The following ANKS1B variants were observed in gnomAD, a reference collection of about 807,000 sequenced individuals.
ANKS1B encodes the protein ankyrin repeat and sterile alpha motif domain-containing protein 1B.
ANKS1B carries 36 observed loss-of-function variants against 148.3 expected under a neutral mutation model. The ratio of observed to expected loss-of-function variants is 0.24; its 90% confidence interval spans 0.19 to 0.32. The LOEUF (loss-of-function observed/expected upper bound fraction) is 0.32. ANKS1B is among the 10% of genes least tolerant of loss of function. The pLI is 1.00. For synonymous variants in ANKS1B, 542 were observed against 560.8 expected, an observed-to-expected ratio of 0.97 and a Z score of 0.47; for missense variants, 1,157 against 1,542.6, an observed-to-expected ratio of 0.75 and a Z score of 4.19.
chr12:99,864,668 T>A (rs964979202), intron 1 of ANKS1B, among the ~76,000 whole-genome samples: 1 of 152,312 alleles, frequency 6.6e-6, no homozygotes, highest in Admixed American at 6.5e-5. Flanking sequence ...GCTGTCTGAT[T>A]TGGGGCAAGC....
At chr12:99,932,700 C>A (rs2094652844) in intron 1 of ANKS1B, among the ~76,000 whole-genome samples, 1 of 152,120 alleles carries the variant, frequency 6.6e-6, no homozygotes, top group Admixed American at 6.6e-5. Context: ...GGATAGTTTG[C>A]AAATATTTTC....
intron 24 of ANKS1B, among the ~76,000 whole-genome samples, chr12:98,774,923 CAAGAT>C (rs2098653527): frequency 6.6e-6 from 1 of 152,156 alleles, no homozygotes; most frequent in Admixed American, 6.5e-5. Context: ...CATTCTATTG[CAAGAT>C]AAGTTTCAGA....
intron 14 of ANKS1B, among the ~76,000 whole-genome samples, chr12:99,220,886 CA>C: frequency 6.6e-6 from 1 of 152,020 alleles, no homozygotes. Context: ...TTACATAGAT[CA>C]AATATAGAAA....
intron 16 of ANKS1B, among the ~76,000 whole-genome samples, chr12:99,063,231 T>C (rs1599261459): frequency 6.6e-6 from 1 of 152,358 alleles, no homozygotes; most frequent in East Asian, 1.9e-4. Flanking sequence ...GATATGGCTT[T>C]TGTAATACAG....
intron 1 of ANKS1B, among the ~76,000 whole-genome samples, chr12:99,950,303 C>A (rs2153822326): frequency 6.6e-6 from 1 of 151,784 alleles, no homozygotes; most frequent in East Asian, 1.9e-4. Flanking sequence ...AAATATTAAG[C>A]TTATTTGGAT....
chr12:99,036,024 G>A (rs1237575999), intron 17 of ANKS1B, among the ~76,000 whole-genome samples: 4 of 152,198 alleles, frequency 2.6e-5, no homozygotes, highest in Non-Finnish European at 5.9e-5. Context: ...TGACTGCCGA[G>A]TTGGCTTTGC....
intron 14 of ANKS1B, among the ~76,000 whole-genome samples, chr12:99,196,884 CT>C (rs1233226057): frequency 5.9e-5 from 9 of 152,208 alleles, no homozygotes; most frequent in African/African-American, 2.2e-4. Flanking sequence ...TCTGTTCTCT[CT>C]TAGGTAGTTG....
At position 99,333,854 on chromosome 12, in the gene ANKS1B, G is replaced by GTTTTTTTTTTTTTTTTTTT. The variant is rs10526476; in HGVS notation, c.1756+65758_1756+65776dup. 1.6e-3 allele frequency among the ~76,000 whole-genome samples: 170 copies of GTTTTTTTTTTTTTTTTTTT among 107,432 alleles called. 20 individuals are homozygous for GTTTTTTTTTTTTTTTTTTT. The highest frequency in any genetic ancestry group is 6.0e-3 in the African/African-American group (150 of 25,078). The allele number at this position is 107,432 out of a possible 152,430, so 70.5% of individuals were successfully genotyped here. ...ATCAAAGTCACATTTCCAGTTCTCA[G>GTTTTTTTTTTTTTTTTTTT]TTTTTTTTTTTTTTTTTTTTTAACA... On this transcript the variant is annotated intron_variant, in intron 12 of 26. Transcript: ENST00000683438.
chr12:99,008,759 T>G (rs1194613256), intron 17 of ANKS1B, among the ~76,000 whole-genome samples: 2 of 152,172 alleles, frequency 1.3e-5, no homozygotes, highest in East Asian at 3.8e-4. Context: ...CTAAGGGCAC[T>G]GTTCACATGC....
At chr12:98,870,112 T>A (rs2099646969) in intron 17 of ANKS1B, among the ~76,000 whole-genome samples, 1 of 152,200 alleles carries the variant, frequency 6.6e-6, no homozygotes, top group African/African-American at 2.4e-5. Flanking sequence ...GATGGAAATG[T>A]ACCCAGCTCC....
At chr12:99,922,236 C>T (rs1036121876) in intron 1 of ANKS1B, among the ~76,000 whole-genome samples, 7 of 152,142 alleles carry the variant, frequency 4.6e-5, no homozygotes, top group Admixed American at 3.3e-4. Context: ...GTAATTGGTA[C>T]ATCTAATCTC....
At chr12:99,648,285 T>C (rs1159277607) in intron 9 of ANKS1B, 7 of 1,614,032 alleles carry the variant, frequency 4.3e-6, no homozygotes, top group Admixed American at 1.7e-5. Context: ...AAGGCGAGTA[T>C]ACTATATTCA....
chr12:99,424,510 A>T (rs2095191535), intron 11 of ANKS1B, among the ~76,000 whole-genome samples: 1 of 152,052 alleles, frequency 6.6e-6, no homozygotes, highest in Non-Finnish European at 1.5e-5. Context: ...TAGGCTTAAA[A>T]GCTATGAAGT....
intron 11 of ANKS1B, among the ~76,000 whole-genome samples, chr12:99,400,062 A>G (rs1047116200): frequency 6.6e-6 from 1 of 152,154 alleles, no homozygotes. Flanking sequence ...CTTTCCCCAG[A>G]AGATTGTAAA....
chr12:98,749,104 CA>C (rs2097992773), intron 26 of ANKS1B, among the ~76,000 whole-genome samples: 1 of 151,888 alleles, frequency 6.6e-6, no homozygotes, highest in Admixed American at 6.6e-5. Context: ...ATGAAACTTA[CA>C]TTTTTTTTTT....
chr12:99,019,672 C>T (rs1335703853), intron 17 of ANKS1B, among the ~76,000 whole-genome samples: 1 of 152,106 alleles, frequency 6.6e-6, no homozygotes, highest in Non-Finnish European at 1.5e-5. Context: ...CTAAGCTTTC[C>T]TAAATATTTT....
At chr12:99,728,186 C>G (rs973698437) in intron 8 of ANKS1B, among the ~76,000 whole-genome samples, 5 of 152,050 alleles carry the variant, frequency 3.3e-5, no homozygotes, top group African/African-American at 1.2e-4. Flanking sequence ...TCAGAGTGAA[C>G]AGGCAACCTA....
chr12:99,831,646 T>C (rs1280017590), intron 1 of ANKS1B, among the ~76,000 whole-genome samples: 2 of 152,136 alleles, frequency 1.3e-5, no homozygotes, highest in Non-Finnish European at 2.9e-5. Flanking sequence ...TCTAGCTTTC[T>C]TATATGAGAC....
chr12:99,324,967 G>T (rs2086023899), intron 12 of ANKS1B, among the ~76,000 whole-genome samples: 1 of 151,966 alleles, frequency 6.6e-6, no homozygotes, highest in African/African-American at 2.4e-5. Context: ...TCCATTATTA[G>T]GTGTTCCATT....
Sources: allele counts gnomAD v4.1 joint callset (sites outside exome capture counted in the v4.1 genomes callset), GRCh38; gene constraint gnomAD v4.1.1; transcripts MANE v1.5; gene names NCBI Gene and HGNC (gene_info 2026-07-23, HGNC 2026-07-21).